Variants in NBPF8 observed in about 807,000 individuals in gnomAD.
The protein encoded by NBPF8 is NBPF member 8.
At chr1:120,433,647 G>A (rs1412717466), upstream of NBPF8, 23 of 184,822 alleles carry the variant, frequency 1.2e-4, no homozygotes, top group Non-Finnish European at 1.1e-4. Context: ...AAGGAACAAA[G>A]GAGGTCAGTA....
At chr1:120,467,734 C>T (rs1344766570) in exon 25 of NBPF8, 2 of 151,840 alleles carry the variant, frequency 1.3e-5, no homozygotes, top group Non-Finnish European at 2.9e-5. Context: ...AACCTTTTGC[C>T]TATCACTCTG....
chr1:120,462,441 G>C (rs1553250402), intron 20 of NBPF8, among the ~76,000 whole-genome samples: 2 of 146,398 alleles, frequency 1.4e-5, no homozygotes, highest in East Asian at 4.2e-4. Context: ...ATGGAGTCTT[G>C]AGCAAGTTTA....
intron 3 of NBPF8, among the ~76,000 whole-genome samples, chr1:120,428,807 T>C (rs1356059650): frequency 6.6e-6 from 1 of 150,690 alleles, no homozygotes; most frequent in Non-Finnish European, 1.5e-5. Context: ...TGTAGCACTT[T>C]ATGTCAAATT....
At chr1:120,423,474 ATG>A (rs1660625710) in intron 1 of NBPF8, among the ~76,000 whole-genome samples, 1 of 104,106 alleles carries the variant, frequency 9.6e-6, no homozygotes, top group Admixed American at 8.4e-5. Flanking sequence ...ATGCATCTAT[ATG>A]TGTGTGTTTT....
chr1:120,456,606 CA>C (rs1661443461), intron 16 of NBPF8, among the ~76,000 whole-genome samples: 1 of 133,762 alleles, frequency 7.5e-6, no homozygotes, highest in Non-Finnish European at 1.6e-5. Context: ...TTTTGTTTTC[CA>C]TTTGCTTGGT....
At chr1:120,421,673 CA>C (rs1203522793) in intron 1 of NBPF8, among the ~76,000 whole-genome samples, 15 of 148,340 alleles carry the variant, frequency 1.0e-4, no homozygotes, top group Non-Finnish European at 1.9e-4. Context: ...CATTACTTAC[CA>C]AAACCTCTGG....
chr1:120,454,539 G>T (rs1661379430), intron 15 of NBPF8, among the ~76,000 whole-genome samples: 1 of 151,922 alleles, frequency 6.6e-6, no homozygotes, highest in Non-Finnish European at 1.5e-5. Context: ...CTTTCATCTG[G>T]ATCTCCTTTA....
At chr1:120,452,774 C>A (rs1270479670) in intron 13 of NBPF8, among the ~76,000 whole-genome samples, 2 of 152,156 alleles carry the variant, frequency 1.3e-5, no homozygotes, top group Non-Finnish European at 2.9e-5. Flanking sequence ...AGGGTCGAAG[C>A]ATTCAAATGT....
chr1:120,467,955 TGTGTGTGC>T (rs1463686363), downstream of NBPF8, among the ~76,000 whole-genome samples: 94 of 151,916 alleles, frequency 6.2e-4, no homozygotes, highest in African/African-American at 2.2e-3. Context: ...TGTGAGAGTG[TGTGTGTGC>T]GTGTGTGTGT....
At chr1:120,415,657 C>T (rs1660414871), upstream of NBPF8, among the ~76,000 whole-genome samples, 1 of 152,226 alleles carries the variant, frequency 6.6e-6, no homozygotes, top group South Asian at 2.1e-4. Flanking sequence ...GGCGAGACCA[C>T]TCGCGCCCCT....
intron 1 of NBPF8, among the ~76,000 whole-genome samples, chr1:120,422,183 T>C (rs1403781460): frequency 4.6e-5 from 7 of 152,352 alleles, no homozygotes; most frequent in South Asian, 2.1e-4. Flanking sequence ...CCCCTATTAG[T>C]ATGTTGTATT....
At chr1:120,466,125 C>T (rs1341784602) in exon 25 of NBPF8, 6 of 1,610,728 alleles carry the variant, frequency 3.7e-6, no homozygotes, top group Non-Finnish European at 4.2e-6. Context: ...AGGAACAGCA[C>T]ATCAGCTTTG....
downstream of NBPF8, among the ~76,000 whole-genome samples, chr1:120,467,987 T>C (rs1661790955): frequency 6.6e-6 from 1 of 151,892 alleles, no homozygotes; most frequent in African/African-American, 2.4e-5. Flanking sequence ...TGTGTGCCTT[T>C]GGCATTTAGG....
At chr1:120,459,209 C>G (rs1661503168) in intron 16 of NBPF8, among the ~76,000 whole-genome samples, 158 bp from the exon 15 acceptor site, 1 of 133,556 alleles carries the variant, frequency 7.5e-6, no homozygotes, top group Non-Finnish European at 1.6e-5. Flanking sequence ...ACCCTCCACC[C>G]TGTATTTAGA....
downstream of NBPF8, among the ~76,000 whole-genome samples, chr1:120,468,823 C>T (rs1169130286): frequency 0.055 from 8,317 of 150,856 alleles, 210 homozygotes; most frequent in African/African-American, 0.14. Flanking sequence ...AACAGGCCCT[C>T]CCTGCTGTCC....
At chr1:120,466,036 A>G (rs1661737991) in exon 25 of NBPF8, 2 of 1,612,000 alleles carry the variant, frequency 1.2e-6, no homozygotes, top group Non-Finnish European at 1.7e-6. Flanking sequence ...CTCACTGGAT[A>G]GATGTTATTC....
intron 1 of NBPF8, among the ~76,000 whole-genome samples, chr1:120,422,444 T>A (rs1465561769): frequency 7.3e-6 from 1 of 137,170 alleles, no homozygotes. Flanking sequence ...ACTACTTCTA[T>A]CTTTTTGACT....
chr1:120,462,649 C>G, intron 20 of NBPF8, 145 bp from the exon 19 acceptor site: 6 of 293,986 alleles, frequency 2.0e-5, no homozygotes, highest in South Asian at 1.2e-4. Context: ...TCTATCCCAA[C>G]ATAAAGGCAA....
At chr1:120,434,543 T>C (rs1661018177), upstream of NBPF8, among the ~76,000 whole-genome samples, 3 of 150,288 alleles carry the variant, frequency 2.0e-5, no homozygotes, top group South Asian at 6.3e-4. Flanking sequence ...TGTGTGATGT[T>C]CCCCGTCCTG....
Sources: allele counts gnomAD v4.1 joint callset (sites outside exome capture counted in the v4.1 genomes callset), GRCh38; gene constraint gnomAD v4.1.1; transcripts MANE v1.5; gene names NCBI Gene and HGNC (gene_info 2026-07-23, HGNC 2026-07-21).